Variants in TAF1B observed in about 807,000 individuals in gnomAD.
TAF1B encodes the protein TATA box-binding protein-associated factor RNA polymerase I subunit B.
TAF1B carries 61 observed loss-of-function variants against 83.9 expected under a neutral mutation model. That is an observed-to-expected ratio of 0.73 (90% CI 0.59 to 0.90). The LOEUF (loss-of-function observed/expected upper bound fraction) is 0.90. Ranked by LOEUF, TAF1B falls within the 40% of genes least tolerant of loss-of-function variation. The pLI is 0.00. For missense variants in TAF1B, 625 were observed against 677.0 expected (o/e 0.92, Z 0.85); for synonymous variants, 221 against 224.6 (o/e 0.98, Z 0.14).
intron 6 of TAF1B, among the ~76,000 whole-genome samples, chr2:9,873,525 T>C (rs570256413): frequency 3.3e-5 from 5 of 152,242 alleles, no homozygotes; most frequent in East Asian, 1.9e-4. Context: ...TAGATTCTTA[T>C]ATTCAGCTGC....
At chr2:9,844,765 T>C (rs1339567389) in intron 1 of TAF1B, among the ~76,000 whole-genome samples, 2 of 152,198 alleles carry the variant, frequency 1.3e-5, no homozygotes, top group African/African-American at 2.4e-5. Context: ...GGTACACACA[T>C]AGTTGATACC....
chr2:9,916,255 CAAG>C (rs1225071665), intron 12 of TAF1B, among the ~76,000 whole-genome samples: 1 of 152,130 alleles, frequency 6.6e-6, no homozygotes, highest in East Asian at 1.9e-4. Context: ...TGCAGACAGA[CAAG>C]AGAGAAATAT....
chr2:9,867,485 G>GT (rs548039807), intron 5 of TAF1B, among the ~76,000 whole-genome samples: 221 of 152,228 alleles, frequency 1.5e-3, no homozygotes, highest in African/African-American at 4.9e-3. Context: ...GTTTTTGTTT[G>GT]TTTTTTTGTT....
intron 14 of TAF1B, among the ~76,000 whole-genome samples, chr2:9,922,164 G>A (rs1364036646): frequency 1.3e-5 from 2 of 152,124 alleles, no homozygotes; most frequent in African/African-American, 4.8e-5. Context: ...GCTAATTGTA[G>A]GAAGGTTACT....
At chr2:9,908,365 G>A (rs1450067633) in intron 9 of TAF1B, among the ~76,000 whole-genome samples, 1 of 151,998 alleles carries the variant, frequency 6.6e-6, no homozygotes, top group Non-Finnish European at 1.5e-5. Flanking sequence ...AATTTTAAAA[G>A]AAGAGAAATA....
chr2:9,905,958 C>G (rs1044396862), intron 9 of TAF1B, among the ~76,000 whole-genome samples: 1 of 152,040 alleles, frequency 6.6e-6, no homozygotes, highest in African/African-American at 2.4e-5. Flanking sequence ...TTCCAGAAAT[C>G]AGTAATTATT....
chr2:9,915,000 A>T lies in TAF1B; in HGVS notation c.1271+1751A>T, dbSNP rs562800221. The stretch of plus-strand genomic sequence containing the variant: ...GATGAAAATTATTAAAACATTTTCT[A>T]TATCTGAGCATGGGTTCCTATGCAT... On this transcript the variant is annotated intron_variant, in intron 12 of 14. Transcript: ENST00000263663. This position sits in a 1 kb window ranked among gnomAD's most constrained non-coding sequence, Gnocchi z 4.3. Among the ~76,000 whole-genome samples the T allele has an allele frequency of 6.6e-6, 1 of 152,230 alleles. No homozygotes were observed. The highest frequency in any genetic ancestry group is 2.1e-4 in the South Asian group (1 of 4,834).
At chr2:9,893,306 A>G (rs558783908) in intron 8 of TAF1B, among the ~76,000 whole-genome samples, 1 of 152,308 alleles carries the variant, frequency 6.6e-6, no homozygotes, top group African/African-American at 2.4e-5. Context: ...AGTTATATCC[A>G]TCCTGACCCA....
intron 12 of TAF1B, among the ~76,000 whole-genome samples, chr2:9,918,800 C>T (rs1382342790): frequency 6.6e-6 from 1 of 152,224 alleles, no homozygotes; most frequent in Non-Finnish European, 1.5e-5. Flanking sequence ...TTAATAGCTT[C>T]TTCAAGATGT....
chr2:9,903,433 A>G (rs1468734635), intron 8 of TAF1B, among the ~76,000 whole-genome samples: 2 of 152,210 alleles, frequency 1.3e-5, no homozygotes, highest in Non-Finnish European at 2.9e-5. Flanking sequence ...GTGAAAAACT[A>G]CATGCAGTAT....
intron 6 of TAF1B, among the ~76,000 whole-genome samples, chr2:9,869,195 AAC>A (rs1400071086): frequency 2.0e-5 from 3 of 152,068 alleles, no homozygotes; most frequent in African/African-American, 7.2e-5. Flanking sequence ...ACCTATGTGT[AAC>A]AGTTTTGTTT....
chr2:9,933,811 G>T lies in TAF1B; in HGVS notation c.1594G>T (p.Glu532Ter), dbSNP rs952643617. The T allele has an allele frequency of 5.0e-6, 8 of 1,613,268 alleles. No homozygotes were observed. The highest frequency in any genetic ancestry group is 6.8e-6 in the Non-Finnish European group (8 of 1,179,734). Residue 532 changes from glutamate (E) to a stop codon, truncating the protein, a stop_gained, in exon 15 of 15, where the codon GAA (glutamate) becomes TAA (stop). Coordinates refer to ENST00000263663, the MANE Select transcript of TAF1B (RefSeq NM_005680.3). LOFTEE classifies it high-confidence loss of function. Reference protein sequence around the residue: ...CYCTHVTTYEESNYSLSYQFI... With the variant: ...CYCTHVTTYE ...TTGTACACATGTGACAACCTATGAAGAATCAAATTATTCTCTGAGTTATCA... is the reference window on the plus strand; with the variant it reads ...TTGTACACATGTGACAACCTATGAATAATCAAATTATTCTCTGAGTTATCA...
chr2:9,867,493 G>GT (rs1444051914), intron 5 of TAF1B, among the ~76,000 whole-genome samples: 16 of 152,064 alleles, frequency 1.1e-4, no homozygotes, highest in Admixed American at 3.9e-4. Context: ...TTGTTTTTTT[G>GT]TTTTTTTGGG....
At chr2:9,884,865 C>T (rs901897499) in intron 8 of TAF1B, among the ~76,000 whole-genome samples, 1 of 152,100 alleles carries the variant, frequency 6.6e-6, no homozygotes, top group Non-Finnish European at 1.5e-5. Flanking sequence ...ACAACCTGCC[C>T]TCAGAGAGGA....
intron 1 of TAF1B, among the ~76,000 whole-genome samples, chr2:9,844,138 G>C (rs546404174): frequency 6.6e-6 from 1 of 152,206 alleles, no homozygotes; most frequent in South Asian, 2.1e-4. Flanking sequence ...TAGGTACTAC[G>C]TAAAATGGCA....
chr2:9,901,591 G>A (rs1247660048), intron 8 of TAF1B, among the ~76,000 whole-genome samples: 2 of 151,948 alleles, frequency 1.3e-5, no homozygotes, highest in Admixed American at 1.3e-4. Context: ...TACTGCTCTA[G>A]TGTTTTGTTT....
chr2:9,843,719 C>T lies in TAF1B; in HGVS notation c.18+160C>T, dbSNP rs2303915. 6.0e-4 allele frequency: 453 copies of T among 759,656 alleles called. 4 individuals carry two copies. The East Asian group carries it at 0.014, about 23-fold the overall frequency. The allele number at this position is 759,656 out of a possible 1,614,324, so 47.1% of individuals were successfully genotyped here. On this transcript the variant is annotated intron_variant, in intron 1 of 14. Transcript: ENST00000263663. ...AGGGCGGGCTAAGGACTGGGGCTGG[C>T]CGGCCGCATGCGCGCGCGGCTTTGG...
chr2:9,874,731 A>G (rs1664268588), intron 6 of TAF1B, among the ~76,000 whole-genome samples: 1 of 152,238 alleles, frequency 6.6e-6, no homozygotes, highest in East Asian at 1.9e-4. Flanking sequence ...ATGAATGAAG[A>G]TACCATAATG....
At chr2:9,864,024 C>G (rs1414038790) in intron 5 of TAF1B, among the ~76,000 whole-genome samples, 1 of 152,042 alleles carries the variant, frequency 6.6e-6, no homozygotes, top group Non-Finnish European at 1.5e-5. Flanking sequence ...ACCCTAACAT[C>G]ACAATTAAAA....
Sources: gnomAD v4.1 joint callset for allele counts (sites outside exome capture counted in the v4.1 genomes callset) on GRCh38, gnomAD v4.1.1 for gene constraint, Gnocchi (gnomAD v3.1) non-coding constraint, MANE v1.5 for transcripts, NCBI Gene and HGNC (gene_info 2026-07-23, HGNC 2026-07-21) for gene names.